Variants in LONP2 observed in about 807,000 individuals in gnomAD.
LONP2 encodes lon protease homolog 2, peroxisomal.
In LONP2, 60 loss-of-function variants were observed where a neutral mutation model predicts 85.6. The ratio of observed to expected loss-of-function variants is 0.70; its 90% confidence interval spans 0.57 to 0.87. The LOEUF (loss-of-function observed/expected upper bound fraction) is 0.87. Ranked by LOEUF, LONP2 falls within the 40% of genes least tolerant of loss-of-function variation. The pLI is 0.00. For synonymous variants in LONP2, 395 were observed against 389.7 expected, an observed-to-expected ratio of 1.01 and a Z score of -0.16; for missense variants, 860 against 1,063.5, an observed-to-expected ratio of 0.81 and a Z score of 2.66.
chr16:48,321,104 C>G (rs1031653242), intron 11 of LONP2, among the ~76,000 whole-genome samples: 2 of 152,090 alleles, frequency 1.3e-5, no homozygotes, highest in Non-Finnish European at 2.9e-5. Context: ...AGGCTGTTCT[C>G]AAACTCCTGA....
chr16:48,313,636 T>A (rs2151009601), intron 11 of LONP2, among the ~76,000 whole-genome samples: 2 of 152,362 alleles, frequency 1.3e-5, no homozygotes, highest in East Asian at 3.9e-4. Flanking sequence ...GTTTCATCCA[T>A]GTCCCTGCAG....
chr16:48,302,340 TCA>T (rs1393077255), intron 10 of LONP2, among the ~76,000 whole-genome samples: 1 of 152,242 alleles, frequency 6.6e-6, no homozygotes, highest in African/African-American at 2.4e-5. Context: ...CTGTCTTTTC[TCA>T]GAACTTTTAA....
chr16:48,347,253 AAAGCAAAGTTATTTACATATATTTT>A (rs1959993169), intron 12 of LONP2, among the ~76,000 whole-genome samples: 1 of 152,220 alleles, frequency 6.6e-6, no homozygotes, highest in African/African-American at 2.4e-5. Flanking sequence ...TGGCTCATAA[AAAGCAAAGTTATTTACATATATTTT>A]AAGGTAAAAT....
At chr16:48,283,070 A>G (rs1972364717) in intron 8 of LONP2, among the ~76,000 whole-genome samples, 2 of 152,246 alleles carry the variant, frequency 1.3e-5, no homozygotes, top group Admixed American at 6.5e-5. Flanking sequence ...GCCGAAACCT[A>G]GTCCAGAGCA....
At position 48,333,103 on chromosome 16, in the gene LONP2, G is replaced by A. The variant is rs187709833; in HGVS notation, c.1796-1113G>A. On this transcript the variant is annotated intron_variant, in intron 11 of 14. Coordinates refer to ENST00000285737, the MANE Select transcript of LONP2 (RefSeq NM_031490.5). ...AAAAGAAAAAGCTAGGAATGAGATC[G>A]AATACAGCCAAGTATTTCCTGCAGT... Among the ~76,000 whole-genome samples the A allele has an allele frequency of 3.3e-5, 5 of 152,198 alleles. No homozygotes were observed. In the East Asian group the frequency reaches 5.8e-4, roughly 18 times the overall value.
chr16:48,323,541 C>G (rs1056114705), intron 11 of LONP2, among the ~76,000 whole-genome samples: 11 of 151,918 alleles, frequency 7.2e-5, no homozygotes, highest in African/African-American at 2.4e-4. Context: ...GCCTGTTGTC[C>G]CAGCTACTTG....
At chr16:48,334,467 A>G in intron 12 of LONP2, 109 bp downstream of exon 12, 1 of 1,356,130 alleles carries the variant, frequency 7.4e-7, no homozygotes, top group East Asian at 2.3e-5. Context: ...GGGAAGGAAT[A>G]GCCTTATTCG....
At chr16:48,292,043 C>G (rs893026094) in intron 8 of LONP2, among the ~76,000 whole-genome samples, 1 of 152,122 alleles carries the variant, frequency 6.6e-6, no homozygotes, top group Non-Finnish European at 1.5e-5. Context: ...AAGAGACAAA[C>G]GGTTGCATTC....
At chr16:48,257,695 T>C (rs975067109) in intron 3 of LONP2, among the ~76,000 whole-genome samples, 1 of 152,248 alleles carries the variant, frequency 6.6e-6, no homozygotes, top group Non-Finnish European at 1.5e-5. Context: ...ATGTTATCAG[T>C]TTATTTAATA....
intron 3 of LONP2, among the ~76,000 whole-genome samples, chr16:48,257,900 G>C (rs1971793268): frequency 6.6e-6 from 1 of 152,206 alleles, no homozygotes; most frequent in Non-Finnish European, 1.5e-5. Context: ...GTGAGAGTTG[G>C]TTGAGTGCTT....
chr16:48,283,227 C>A (rs1429690769), intron 8 of LONP2, among the ~76,000 whole-genome samples: 1 of 152,214 alleles, frequency 6.6e-6, no homozygotes. Flanking sequence ...GCAGCAAGTA[C>A]TGATGTATTG....
At chr16:48,347,367 C>T (rs1418989097) in intron 12 of LONP2, 140 bp from the exon 13 acceptor site, 1 of 738,918 alleles carries the variant, frequency 1.4e-6, no homozygotes, top group East Asian at 2.6e-5. Flanking sequence ...GAATGTGACG[C>T]AGAATCATGT....
At chr16:48,309,995 G>A (rs1028187429) in intron 11 of LONP2, among the ~76,000 whole-genome samples, 2 of 151,192 alleles carry the variant, frequency 1.3e-5, no homozygotes, top group Admixed American at 6.6e-5. Context: ...AGTTTTGGGA[G>A]TATATACTTA....
At chr16:48,333,224 T>C (rs1348970528) in intron 11 of LONP2, among the ~76,000 whole-genome samples, 1 of 152,192 alleles carries the variant, frequency 6.6e-6, no homozygotes, top group Non-Finnish European at 1.5e-5. Flanking sequence ...ATACAGAAGA[T>C]GGTCCGATAA....
chr16:48,290,668 C>T (rs750372446), intron 8 of LONP2, among the ~76,000 whole-genome samples: 1 of 152,186 alleles, frequency 6.6e-6, no homozygotes, highest in Non-Finnish European at 1.5e-5. Context: ...AGCTTCCATC[C>T]CAGTGAAGTC....
At position 48,313,249 on chromosome 16, in the gene LONP2, T is replaced by C. The variant is rs377415871; in HGVS notation, c.1795+9944T>C. 3.9e-5 allele frequency among the ~76,000 whole-genome samples: 6 copies of C among 152,310 alleles called. No individual in the cohort carries two copies. The East Asian group carries it at 7.7e-4, about 20-fold the overall frequency. ...AATCTGTAAATCTAGTTGGGGAGAA[T>C]TGACAATTTGTATTATCAAGTCTTC... On this transcript the variant is annotated intron_variant, in intron 11 of 14. Coordinates refer to ENST00000285737, the MANE Select transcript of LONP2 (RefSeq NM_031490.5).
chr16:48,342,613 C>A (rs546395680), intron 12 of LONP2, among the ~76,000 whole-genome samples: 1 of 152,220 alleles, frequency 6.6e-6, no homozygotes, highest in African/African-American at 2.4e-5. Context: ...CTGCTTAATG[C>A]TGCTTAAGAG....
intron 12 of LONP2, among the ~76,000 whole-genome samples, chr16:48,341,552 G>A (rs78722922): frequency 0.012 from 1,855 of 152,082 alleles, 39 homozygotes; most frequent in African/African-American, 0.042. Flanking sequence ...ATTTCCCTCC[G>A]TGATCCAGTC....
At position 48,304,965 on chromosome 16, in the gene LONP2, C is replaced by G. The variant is rs370987240; in HGVS notation, c.1795+1660C>G. On this transcript the variant is annotated intron_variant, in intron 11 of 14. Coordinates refer to ENST00000285737, the MANE Select transcript of LONP2 (RefSeq NM_031490.5). The stretch of plus-strand genomic sequence containing the variant: ...TATGGTGGACCCAGTTGAACAGACA[C>G]AGCCAAATGTCTTTCTTGTTTTTCC... Among the ~76,000 whole-genome samples the G allele has an allele frequency of 8.4e-4, 128 of 152,312 alleles. 1 individual carries two copies. The South Asian group carries it at 0.026, about 31-fold the overall frequency.
Sources: gnomAD v4.1 joint callset for allele counts (sites outside exome capture counted in the v4.1 genomes callset) on GRCh38, gnomAD v4.1.1 for gene constraint, MANE v1.5 for transcripts, NCBI Gene and HGNC (gene_info 2026-07-23, HGNC 2026-07-21) for gene names.